A2ML1: variants seen among roughly 807,000 people sequenced by gnomAD.
A2ML1 encodes alpha-2-macroglobulin-like protein 1.
Under a neutral mutation model 181.9 loss-of-function variants are expected in A2ML1, and 161 were observed. That is an observed-to-expected ratio of 0.89 (90% CI 0.78 to 1.01). The LOEUF (loss-of-function observed/expected upper bound fraction) is 1.01. A2ML1 is among the 50% of genes least tolerant of loss of function. The pLI, the probability that A2ML1 is intolerant of heterozygous loss-of-function variation, is 0.00. For synonymous variants in A2ML1, 663 were observed against 666.8 expected (o/e 0.99, Z 0.09); for missense variants, 1,670 against 1,768.1 (o/e 0.94, Z 1.00).
intron 3 of A2ML1, 141 bp from the exon 4 acceptor site, chr12:8,829,586 T>C (rs1467891578): frequency 6.6e-6 from 5 of 753,162 alleles, no homozygotes; most frequent in African/African-American, 3.5e-5. Flanking sequence ...GCCCAGGAGT[T>C]TGAGGCTGAA....
At chr12:8,872,040 G>A (rs7132096) in intron 33 of A2ML1, among the ~76,000 whole-genome samples, 1,655 of 152,192 alleles carry the variant, frequency 0.011, 20 homozygotes, top group African/African-American at 0.038. Flanking sequence ...TTAGCTGGGC[G>A]TGGTGGCAGG....
At position 8,848,813 on chromosome 12, in the gene A2ML1, C is replaced by T. The variant is rs1943790034; in HGVS notation, c.1927C>T (p.Gln643Ter). 1 of 1,614,046 alleles carries T rather than the reference C, an allele frequency of 6.2e-7. No homozygotes were observed. The highest frequency in any genetic ancestry group is 1.1e-5 in the South Asian group (1 of 91,080). Residue 643 changes from glutamine (Q) to a stop codon, truncating the protein, a stop_gained, in exon 16 of 36, where the codon CAG becomes TAG. Transcript: ENST00000299698. LOFTEE classifies it high-confidence loss of function. ...AGTGTCTGGCCCATGGGACTTTCCT[C>T]AGCCCCTCATTGACCCAATGCCCCA... ...CPVSGPWDFPQPLIDPMPQGH... is the reference protein window; with the variant it reads ...CPVSGPWDFP
At position 8,848,836 on chromosome 12, in the gene A2ML1, C is replaced by T; in HGVS notation, c.1950C>T (p.Pro650=). 1 of 1,614,124 alleles carries T rather than the reference C, an allele frequency of 6.2e-7. No homozygotes were observed. ...DFPQPLIDPM[P]QGHSSQRSII... ...CTCAGCCCCTCATTGACCCAATGCC[C>T]CAAGGGCATTCGAGCCAGCGTTCCA... Residue 650 remains proline (P), a synonymous_variant, in exon 16 of 36, where the codon CCC becomes CCT. Transcript: ENST00000299698.
At chr12:8,869,324 A>T (rs985659249) in intron 33 of A2ML1, 121 bp downstream of exon 33, 60 of 956,478 alleles carry the variant, frequency 6.3e-5, no homozygotes, top group Admixed American at 1.2e-4. Flanking sequence ...GTGAGTCCAC[A>T]CCATGCCATG....
chr12:8,823,634 T>C (rs1340023855), intron 2 of A2ML1, 86 bp from the exon 3 acceptor site: 2 of 1,449,920 alleles, frequency 1.4e-6, no homozygotes, highest in Admixed American at 2.2e-5. Context: ...CTCAGCTCTT[T>C]CCTTTAACTC....
chr12:8,850,310 G>A, intron 18 of A2ML1, 36 bp downstream of exon 18: 3 of 1,533,088 alleles, frequency 2.0e-6, no homozygotes, highest in Non-Finnish European at 2.7e-6. Context: ...AAAGGGCCAG[G>A]TGCATGGCTC....
chr12:8,880,159 T>C (rs1944856283), downstream of A2ML1, among the ~76,000 whole-genome samples: 2 of 151,914 alleles, frequency 1.3e-5, no homozygotes, highest in South Asian at 2.1e-4. Context: ...AGATCAGGAG[T>C]TCGAGACCAG....
intron 3 of A2ML1, among the ~76,000 whole-genome samples, chr12:8,825,030 A>C (rs912694813): frequency 6.6e-6 from 1 of 152,172 alleles, no homozygotes; most frequent in Non-Finnish European, 1.5e-5. Flanking sequence ...TATCTTGGCT[A>C]TTGTGAATAC....
At chr12:8,841,800 A>G (rs757415576) in intron 11 of A2ML1, among the ~76,000 whole-genome samples, 3 of 152,216 alleles carry the variant, frequency 2.0e-5, no homozygotes, top group Non-Finnish European at 4.4e-5. Flanking sequence ...GATCCTATCT[A>G]TATATGAAGT....
In A2ML1 at chr12:8,867,147, C is replaced by A. The variant is rs149868740; in HGVS notation, c.3718-695C>A. Among the ~76,000 whole-genome samples, 812 of 152,310 alleles carry A rather than the reference C, an allele frequency of 5.3e-3. 7 individuals are homozygous for A. The highest frequency in any genetic ancestry group is 0.018 in the African/African-American group (767 of 41,576). The stretch of plus-strand genomic sequence containing the variant: ...AGAAGATCATTACACAGTTAAATGA[C>A]TTCATAGACTGCAATTTCTAGGGCT... On this transcript the variant is annotated intron_variant, in intron 29 of 35. Coordinates refer to ENST00000299698, the MANE Select transcript of A2ML1 (RefSeq NM_144670.6).
intron 29 of A2ML1, among the ~76,000 whole-genome samples, chr12:8,867,578 C>T (rs1257469191): frequency 2.0e-5 from 3 of 151,374 alleles, no homozygotes; most frequent in East Asian, 3.9e-4. Context: ...ACCCAGGAAG[C>T]GGAGGTTGCA....
At chr12:8,875,205 G>A (rs1944764222) in intron 35 of A2ML1, among the ~76,000 whole-genome samples, 193 bp downstream of exon 35, 2 of 152,012 alleles carry the variant, frequency 1.3e-5, no homozygotes, top group African/African-American at 4.8e-5. Flanking sequence ...AGCCTCCTGA[G>A]TTGCTGGGAT....
Position 8,837,528 on chromosome 12 carries a change from G to C in A2ML1, c.817G>C (p.Glu273Gln). 6.2e-7 allele frequency: 1 copy of C among 1,613,790 alleles called. No individual in the cohort carries two copies. The highest frequency in any genetic ancestry group is 2.2e-5 in the East Asian group (1 of 44,838). The part of the protein sequence containing the change: ...NTYWYREVER[E>Q]QLPDKCRNLS... ...TTACTGGTATCGAGAGGTGGAACGG[G>C]AACAGCTTCCTGACAAATGCAGGAA... is the stretch of plus-strand genomic sequence containing the variant. Residue 273 changes from glutamate (E) to glutamine (Q), a missense_variant, in exon 8 of 36, where the codon GAA becomes CAA. Coordinates refer to ENST00000299698, the MANE Select transcript of A2ML1 (RefSeq NM_144670.6).
chr12:8,852,935 A>G lies in A2ML1; in HGVS notation c.2590+599A>G, dbSNP rs1358911418. Among the ~76,000 whole-genome samples, 3 of 152,120 alleles carry G rather than the reference A, an allele frequency of 2.0e-5. No individual in the cohort carries two copies. Among genetic ancestry groups the G allele is most frequent in the African/African-American group, 7.2e-5 (3 of 41,424 alleles). ...GGTCTCAAACTCCTGACCTCAGGTGACCTGCCTGCCTCGGCCTCCCAAAGT... is the reference window on the plus strand; with the variant it reads ...GGTCTCAAACTCCTGACCTCAGGTGGCCTGCCTGCCTCGGCCTCCCAAAGT... On this transcript the variant is annotated intron_variant, in intron 20 of 35. Transcript: ENST00000299698. The surrounding 1 kb of genome is among the most constrained non-coding windows in gnomAD (Gnocchi z 4.2).
chr12:8,881,511 G>C (rs188689416), downstream of A2ML1, among the ~76,000 whole-genome samples: 1 of 152,324 alleles, frequency 6.6e-6, no homozygotes, highest in Admixed American at 6.5e-5. Context: ...ATATGGGAGA[G>C]GGGGAGAGAG....
chr12:8,868,458 G>A (rs768943182), intron 31 of A2ML1, 79 bp from the exon 32 acceptor site: 3 of 1,253,256 alleles, frequency 2.4e-6, no homozygotes, highest in East Asian at 3.9e-5. Context: ...GTGTGTGTAC[G>A]TGTGTGTGTG....
At chr12:8,844,315 T>C (rs1943594075) in intron 12 of A2ML1, among the ~76,000 whole-genome samples, 1 of 150,356 alleles carries the variant, frequency 6.7e-6, no homozygotes, top group Non-Finnish European at 1.5e-5. Context: ...TTGGCCAGGC[T>C]GGTCTTGAAC....
Position 8,884,236 on chromosome 12 carries a change from TTTTTGTTTTG to T in A2ML1, c.*95-2266_*95-2257del, listed in dbSNP as rs1309101946. 3.2e-3 allele frequency among the ~76,000 whole-genome samples: 465 copies of T among 143,822 alleles called. 4 individuals carry two copies. Among genetic ancestry groups the T allele is most frequent in the African/African-American group, 9.6e-3 (359 of 37,588 alleles). 94.4% of individuals were successfully genotyped at this position (143,822 alleles called of 152,430 possible). Reference sequence around the variant, plus strand: ...AATTCTTTTTTTTATTTTTTGTTTTTTTTTGTTTTGTTTTTTTTTAACTATTTTCCTTTTT... The same window carrying T: ...AATTCTTTTTTTTATTTTTTGTTTTTTTTTTTTTTAACTATTTTCCTTTTT... On this transcript the variant is annotated intron_variant and NMD_transcript_variant, in intron 7 of 7. Coordinates refer to the A2ML1 transcript ENST00000537475.
Position 8,822,767 on chromosome 12 carries a change from C to T in A2ML1, c.62+54C>T. 7 of 1,536,322 alleles carry T rather than the reference C, an allele frequency of 4.6e-6. No homozygotes were observed. The Admixed American group carries it at 1.2e-4, about 26-fold the overall frequency. ...TTAGGGCAGCGGCTTCTTCGCCTAACTTTCTCAAACATTTATATGGAGATG... is the reference window on the plus strand; with the variant it reads ...TTAGGGCAGCGGCTTCTTCGCCTAATTTTCTCAAACATTTATATGGAGATG... On this transcript the variant is annotated intron_variant, in intron 1 of 35. Transcript: ENST00000299698.
Sources: gnomAD v4.1 joint callset for allele counts (sites outside exome capture counted in the v4.1 genomes callset) on GRCh38, gnomAD v4.1.1 for gene constraint, Gnocchi (gnomAD v3.1) non-coding constraint, MANE v1.5 for transcripts, NCBI Gene and HGNC (gene_info 2026-07-23, HGNC 2026-07-21) for gene names.